Variants in SMYD2 observed in about 807,000 individuals in gnomAD.
SMYD2 encodes the protein SET and MYND domain containing 2.
Under a neutral mutation model 59.1 loss-of-function variants are expected in SMYD2, and 53 were observed. The ratio of observed to expected loss-of-function variants is 0.90; its 90% CI spans 0.72 to 1.13. The LOEUF is 1.13. SMYD2 is among the 50% of genes most tolerant of loss of function. SMYD2 has a pLI of 0.00. For missense variants in SMYD2, 494 were observed against 544.7 expected (o/e 0.91, Z 0.93); for synonymous variants, 208 against 198.8 (o/e 1.05, Z -0.39).
chr1:214,319,888 G>C (rs1056427853), intron 5 of SMYD2, among the ~76,000 whole-genome samples: 15 of 152,204 alleles, frequency 9.9e-5, no homozygotes, highest in Non-Finnish European at 2.9e-5. Context: ...ACACCTCCAT[G>C]GTTTTGTCTT....
chr1:214,294,725 T>C (rs1438722639), intron 1 of SMYD2, among the ~76,000 whole-genome samples: 1 of 152,184 alleles, frequency 6.6e-6, no homozygotes, highest in Non-Finnish European at 1.5e-5. Flanking sequence ...AGAACAGTTC[T>C]GTCTGGACAG....
At position 214,332,065 on chromosome 1, in the gene SMYD2, A is replaced by G. The variant is rs766661501; in HGVS notation, c.985A>G (p.Ser329Gly). 6.2e-7 allele frequency: 1 copy of G among 1,614,024 alleles called. No homozygotes were observed. Among genetic ancestry groups the G allele is most frequent in the South Asian group, 1.1e-5 (1 of 91,078 alleles). ...CTGCGAGCTCAGCCAGGAGAAGATGAGCTCTGTGTTTGAGGACAGTAACGT... is the reference window on the plus strand; with the variant it reads ...CTGCGAGCTCAGCCAGGAGAAGATGGGCTCTGTGTTTGAGGACAGTAACGT... ...EICELSQEKM[S>G]SVFEDSNVYM... Residue 329 changes from serine to glycine, a missense_variant, in exon 10 of 12, where the codon AGC becomes GGC. Ser to Gly is a moderately conservative substitution (Grantham distance 56, BLOSUM62 0). Coordinates refer to ENST00000366957, the MANE Select transcript of SMYD2 (RefSeq NM_020197.3).
intron 9 of SMYD2, 96 bp from the exon 10 acceptor site, chr1:214,331,922 G>A (rs1657361117): frequency 9.0e-7 from 1 of 1,105,086 alleles, no homozygotes; most frequent in South Asian, 1.6e-5. Flanking sequence ...TGGGGTAAGG[G>A]TGAGAGTGGA....
intron 2 of SMYD2, among the ~76,000 whole-genome samples, chr1:214,307,789 G>A (rs924991187): frequency 6.6e-5 from 10 of 152,174 alleles, no homozygotes; most frequent in African/African-American, 1.9e-4. Flanking sequence ...ATTTGTAAGC[G>A]TGCAATGAGG....
chr1:214,326,463 C>T (rs911590844), intron 6 of SMYD2, among the ~76,000 whole-genome samples: 1 of 152,076 alleles, frequency 6.6e-6, no homozygotes, highest in African/African-American at 2.4e-5. Flanking sequence ...CCCTTCGATG[C>T]ATTTGTTTAT....
chr1:214,283,596 T>C (rs1003338862), intron 1 of SMYD2, among the ~76,000 whole-genome samples: 1 of 152,248 alleles, frequency 6.6e-6, no homozygotes, highest in African/African-American at 2.4e-5. Flanking sequence ...GGTCATCTGA[T>C]AGATTCAGCA....
intron 1 of SMYD2, among the ~76,000 whole-genome samples, chr1:214,296,061 T>C (rs1320678582): frequency 1.3e-5 from 2 of 152,244 alleles, no homozygotes; most frequent in East Asian, 3.9e-4. Flanking sequence ...GTAATTGTTA[T>C]TGCAAACCCC....
chr1:214,334,102 G>T, intron 10 of SMYD2, 98 bp from the exon 11 acceptor site: 2 of 1,046,640 alleles, frequency 1.9e-6, no homozygotes, highest in Non-Finnish European at 2.9e-6. Flanking sequence ...GGCAGAGGTT[G>T]GCCCTAAGCA....
At chr1:214,334,466 T>A (rs35833989) in intron 11 of SMYD2, among the ~76,000 whole-genome samples, 158 bp downstream of exon 11, 1 of 151,770 alleles carries the variant, frequency 6.6e-6, no homozygotes, top group African/African-American at 2.4e-5. Flanking sequence ...GTCCTGCAGG[T>A]GAGGGGGGAG....
At chr1:214,305,271 A>T in intron 2 of SMYD2, 21 bp downstream of exon 2, 1 of 1,611,680 alleles carries the variant, frequency 6.2e-7, no homozygotes. Context: ...GGCCATTGGC[A>T]GGGAGGGCCT....
Position 214,281,409 on chromosome 1 carries a change from G to T in SMYD2, c.155G>T (p.Cys52Phe). The T allele has an allele frequency of 6.9e-7, 1 of 1,449,588 alleles. No individual in the cohort carries two copies. The highest frequency in any genetic ancestry group is 9.1e-7 in the Non-Finnish European group (1 of 1,096,636). 89.8% of individuals were successfully genotyped at this position (1,449,588 alleles called of 1,614,324 possible). Residue 52 changes from cysteine (C) to phenylalanine (F), a missense_variant, in exon 1 of 12, where the codon TGC (cysteine) becomes TTC (phenylalanine). Transcript: ENST00000366957. ...VLTVNERGNH[C>F]EYCFTRKEGL... ...ACGGTCAACGAGCGGGGCAACCACT[G>T]CGAGTACTGCTTCACCAGGTAGGGC...
intron 10 of SMYD2, 87 bp from the exon 11 acceptor site, chr1:214,334,113 T>C: frequency 1.6e-6 from 2 of 1,246,096 alleles, no homozygotes; most frequent in Non-Finnish European, 2.3e-6. Context: ...GCCCTAAGCA[T>C]GGCAGCCTCC....
intron 5 of SMYD2, 33 bp from the exon 6 acceptor site, chr1:214,324,608 A>C (rs762065452): frequency 1.3e-6 from 2 of 1,571,672 alleles, no homozygotes; most frequent in Non-Finnish European, 1.7e-6. Context: ...GCTCCAGCTC[A>C]TTTTTTTCCT....
intron 5 of SMYD2, among the ~76,000 whole-genome samples, chr1:214,323,076 G>C (rs568286371): frequency 6.6e-6 from 1 of 152,308 alleles, no homozygotes; most frequent in Admixed American, 6.5e-5. Flanking sequence ...TTGTCACCAA[G>C]TATCTTTGTG....
chr1:214,336,902 A>G lies in SMYD2; in HGVS notation c.*118A>G, dbSNP rs1657449187. The G allele has an allele frequency of 1.2e-6, 1 of 855,672 alleles. No homozygotes were observed. Among genetic ancestry groups the G allele is most frequent in the African/African-American group, 1.7e-5 (1 of 58,248 alleles). 53.0% of individuals were successfully genotyped at this position (855,672 alleles called of 1,614,324 possible). On this transcript the variant is annotated 3_prime_UTR_variant, in exon 12 of 12. Transcript: ENST00000366957. ...TCTGTAAAATAATTGGAATGAAAATACTTCTTGCACTTAAACACTGCACAT... is the reference window on the plus strand; with the variant it reads ...TCTGTAAAATAATTGGAATGAAAATGCTTCTTGCACTTAAACACTGCACAT...
chr1:214,323,536 A>G (rs1214994020), intron 5 of SMYD2, among the ~76,000 whole-genome samples: 2 of 152,020 alleles, frequency 1.3e-5, no homozygotes, highest in African/African-American at 2.4e-5. Context: ...GGTTCAAGTG[A>G]TCTTCCTGCC....
At chr1:214,301,813 T>C (rs995909812) in intron 1 of SMYD2, among the ~76,000 whole-genome samples, 4 of 144,508 alleles carry the variant, frequency 2.8e-5, no homozygotes, top group African/African-American at 1.0e-4. Context: ...AAGAAGAAAG[T>C]GGCTAGTTCA....
At chr1:214,286,749 CA>C (rs5780769) in intron 1 of SMYD2, among the ~76,000 whole-genome samples, 204 of 72,036 alleles carry the variant, frequency 2.8e-3, no homozygotes, top group Middle Eastern at 8.8e-3. Context: ...GCCTCCATCT[CA>C]AAAAAAAAAA....
At chr1:214,286,105 T>G (rs1656533931) in intron 1 of SMYD2, among the ~76,000 whole-genome samples, 1 of 152,126 alleles carries the variant, frequency 6.6e-6, no homozygotes, top group South Asian at 2.1e-4. Context: ...TGAATTCTGG[T>G]TTCATTCTTT....
Sources: gnomAD v4.1 joint callset for allele counts (sites outside exome capture counted in the v4.1 genomes callset) on GRCh38, gnomAD v4.1.1 for gene constraint, MANE v1.5 for transcripts, NCBI Gene and HGNC (gene_info 2026-07-23, HGNC 2026-07-21) for gene names.